Variants in CERS4 observed in about 807,000 individuals in gnomAD.
The protein encoded by CERS4 is ceramide synthase 4.
In CERS4, 65 loss-of-function variants were observed where a neutral mutation model predicts 51.8. The observed-to-expected ratio is 1.26, with a 90% CI of 1.03 to 1.54. The LOEUF (loss-of-function observed/expected upper bound fraction) is 1.54. CERS4 is among the 40% of genes most tolerant of loss of function. The pLI is 0.00. For synonymous variants in CERS4, 228 were observed against 208.4 expected (o/e 1.09, Z -0.81); for missense variants, 563 against 500.4 (o/e 1.13, Z -1.19).
intron 2 of CERS4, among the ~76,000 whole-genome samples, chr19:8,225,918 G>A (rs556344115): frequency 3.9e-5 from 6 of 152,050 alleles, no homozygotes; most frequent in South Asian, 2.1e-4. Flanking sequence ...AATGGTGACC[G>A]GGCAAGGTGA....
At chr19:8,255,275 C>A (rs1463749208) in intron 4 of CERS4, among the ~76,000 whole-genome samples, 2 of 152,156 alleles carry the variant, frequency 1.3e-5, no homozygotes, top group Non-Finnish European at 2.9e-5. Context: ...TCTCAACTGC[C>A]TGTCTAGGTT....
intron 2 of CERS4, among the ~76,000 whole-genome samples, chr19:8,240,285 G>T (rs557650282): frequency 1.3e-5 from 2 of 152,178 alleles, no homozygotes; most frequent in East Asian, 1.9e-4. Flanking sequence ...CAGGTAAGGC[G>T]GAACCTTGAA....
chr19:8,257,977 TCCCA>T lies in CERS4; in HGVS notation c.845_848del (p.Thr282ArgfsTer27). 5.6e-6 allele frequency: 9 copies of T among 1,613,484 alleles called. No individual in the cohort carries two copies. Among genetic ancestry groups the T allele is most frequent in the Non-Finnish European group, 7.6e-6 (9 of 1,179,648 alleles). On this transcript the variant is annotated frameshift_variant, in exon 10 of 12. Coordinates refer to ENST00000251363, the MANE Select transcript of CERS4 (RefSeq NM_024552.3). LOFTEE classifies it high-confidence loss of function. ...TCTTCTACACCCGACTGGTCCTCTT[TCCCA>T]CCCAGTGAGTCAGCCCTCCCATGGG...
intron 2 of CERS4, among the ~76,000 whole-genome samples, chr19:8,237,818 A>T (rs145871950): frequency 0.014 from 2,079 of 152,140 alleles, 25 homozygotes; most frequent in African/African-American, 0.035. Flanking sequence ...GCCACTGCAC[A>T]CCAGCCTGGG....
chr19:8,252,186 T>C (rs2145298326), intron 3 of CERS4, among the ~76,000 whole-genome samples: 1 of 151,894 alleles, frequency 6.6e-6, no homozygotes, highest in African/African-American at 2.4e-5. Flanking sequence ...CCGACAAACG[T>C]GGTGAAACCC....
At chr19:8,240,696 G>A (rs1968499790) in intron 2 of CERS4, 1 of 151,904 alleles carries the variant, frequency 6.6e-6, no homozygotes, top group Non-Finnish European at 1.5e-5. Flanking sequence ...TGTATTTCCA[G>A]CTAGATTGAA....
intron 8 of CERS4, 27 bp downstream of exon 8, chr19:8,256,737 C>T (rs376996658): frequency 2.9e-5 from 47 of 1,604,552 alleles, no homozygotes; most frequent in Non-Finnish European, 3.9e-5. Flanking sequence ...GTCTGGAAGA[C>T]CCAGTCTCTG....
At chr19:8,218,825 C>T (rs1967411576) in intron 2 of CERS4, among the ~76,000 whole-genome samples, 1 of 152,170 alleles carries the variant, frequency 6.6e-6, no homozygotes, top group African/African-American at 2.4e-5. Flanking sequence ...TCTGTGCCAA[C>T]CCATCCAACC....
rs374087773 is a variant in CERS4, at chr19:8,229,418, T to TTTC, written c.-2+18572_-2+18574dup. 5.8e-4 allele frequency among the ~76,000 whole-genome samples: 15 copies of TTTC among 25,800 alleles called. 2 individuals are homozygous for TTTC. The highest frequency in any genetic ancestry group is 1.4e-3 in the African/African-American group (13 of 8,990). 16.9% of individuals were successfully genotyped at this position (25,800 alleles called of 152,430 possible). A position where few individuals can be genotyped will look rare whatever the true frequency, so the allele number is the denominator to read the frequency against. On this transcript the variant is annotated intron_variant, in intron 2 of 11. Transcript: ENST00000251363. ...TTTTTCTTCTTCTTCTTTCTTCTTT[T>TTTC]TTCTTCTTCTTCTTCTTCGTGTGTC...
chr19:8,259,100 C>T (rs1969544620), intron 10 of CERS4, among the ~76,000 whole-genome samples: 1 of 152,188 alleles, frequency 6.6e-6, no homozygotes, highest in South Asian at 2.1e-4. Context: ...CACCACTGCA[C>T]TCCAGCCTGG....
intron 4 of CERS4, 108 bp downstream of exon 4, chr19:8,254,724 C>T: frequency 3.2e-6 from 3 of 923,108 alleles, no homozygotes; most frequent in South Asian, 2.9e-5. Flanking sequence ...TGGCTGCAGG[C>T]ACCCCTGCAA....
rs531961736 is a variant in CERS4, at chr19:8,237,495, C to T, written c.-1-13581C>T. On this transcript the variant is annotated intron_variant, in intron 2 of 11. Coordinates refer to ENST00000251363, the MANE Select transcript of CERS4 (RefSeq NM_024552.3). ...ACTTGAACCCAGGAAGTAGAGGTTG[C>T]AGTGAGCCAAGATCATTCCACTGCA... Among the ~76,000 whole-genome samples the T allele has an allele frequency of 3.3e-5, 5 of 152,148 alleles. No homozygotes were observed. In the East Asian group the frequency reaches 9.7e-4, roughly 29 times the overall value.
chr19:8,252,092 T>C (rs911070601), intron 3 of CERS4, among the ~76,000 whole-genome samples: 38 of 150,164 alleles, frequency 2.5e-4, no homozygotes, highest in Admixed American at 6.6e-5. Flanking sequence ...AAAATTAGGC[T>C]GGGTGCAGTG....
At chr19:8,229,940 G>A (rs569072686) in intron 2 of CERS4, among the ~76,000 whole-genome samples, 15 of 151,998 alleles carry the variant, frequency 9.9e-5, no homozygotes, top group African/African-American at 3.6e-4. Context: ...TTCCCAGGCT[G>A]GCCTCGAACT....
rs988402325 is a variant in CERS4, at chr19:8,210,256, G to C, written c.-158-450G>C. Among the ~76,000 whole-genome samples, 1 of 152,180 alleles carries C rather than the reference G, an allele frequency of 6.6e-6. No individual in the cohort carries two copies. Among genetic ancestry groups the C allele is most frequent in the South Asian group, 2.1e-4 (1 of 4,830 alleles). On this transcript the variant is annotated intron_variant, in intron 1 of 11. Coordinates refer to ENST00000251363, the MANE Select transcript of CERS4 (RefSeq NM_024552.3). The surrounding 1 kb of genome is among the most constrained non-coding windows in gnomAD (Gnocchi z 4.2). ...AGCCGCTGTGGGTAGGAGAGATGGGGATACTTGGAAGGGGGCTTCTGGCTT... is the reference window on the plus strand; with the variant it reads ...AGCCGCTGTGGGTAGGAGAGATGGGCATACTTGGAAGGGGGCTTCTGGCTT...
chr19:8,243,693 TGATA>T (rs1968636804), intron 2 of CERS4, among the ~76,000 whole-genome samples: 4 of 151,706 alleles, frequency 2.6e-5, no homozygotes, highest in South Asian at 2.1e-4. Context: ...GACCCCTTGC[TGATA>T]GATAGAGGAT....
chr19:8,231,589 C>G (rs1318651999), intron 2 of CERS4, among the ~76,000 whole-genome samples: 1 of 152,032 alleles, frequency 6.6e-6, no homozygotes, highest in Admixed American at 6.6e-5. Context: ...TGCTCTGTCG[C>G]CCAGGCTGGA....
At chr19:8,213,701 C>T (rs541368421) in intron 2 of CERS4, among the ~76,000 whole-genome samples, 2 of 152,154 alleles carry the variant, frequency 1.3e-5, no homozygotes, top group African/African-American at 2.4e-5. Flanking sequence ...CGCGGTGGCT[C>T]ACGCCTGTAA....
At chr19:8,220,853 G>A (rs1230775724) in intron 2 of CERS4, among the ~76,000 whole-genome samples, 3 of 149,192 alleles carry the variant, frequency 2.0e-5, no homozygotes, top group South Asian at 2.1e-4. Flanking sequence ...ACGGAGTCTC[G>A]CTCTGTCACC....
Sources: allele counts gnomAD v4.1 joint callset (sites outside exome capture counted in the v4.1 genomes callset), GRCh38; gene constraint gnomAD v4.1.1; non-coding constraint Gnocchi (gnomAD v3.1); transcripts MANE v1.5; gene names NCBI Gene and HGNC (gene_info 2026-07-23, HGNC 2026-07-21).